CELF2: variants seen among roughly 807,000 people sequenced by gnomAD.
CELF2 encodes CUG triplet repeat RNA-binding protein 2.
A neutral mutation model predicts 62.6 loss-of-function variants in CELF2; 8 were observed. The observed-to-expected ratio is 0.13, with a 90% CI of 0.07 to 0.23. The LOEUF is 0.23. CELF2 is among the 10% of genes least tolerant of loss of function. CELF2 has a pLI of 1.00. For missense variants in CELF2, 333 were observed against 671.0 expected (o/e 0.50, Z 5.56); for synonymous variants, 258 against 250.0 (o/e 1.03, Z -0.30).
chr10:11,134,697 G>A (rs968546549), intron 1 of CELF2, among the ~76,000 whole-genome samples: 1 of 152,144 alleles, frequency 6.6e-6, no homozygotes. Context: ...ATGAACACAC[G>A]CTTGTTTGTA....
chr10:11,130,409 C>A (rs1194893461), intron 1 of CELF2, among the ~76,000 whole-genome samples: 1 of 152,186 alleles, frequency 6.6e-6, no homozygotes, highest in Non-Finnish European at 1.5e-5. Context: ...ACATGTTGCC[C>A]CTCCTTGCAC....
chr10:10,529,023 T>G, the CELF2 span, among the ~76,000 whole-genome samples: 18 of 152,326 alleles, frequency 1.2e-4, no homozygotes, highest in Middle Eastern at 0.017. Context: ...CTTATCAGCC[T>G]GAGCAGGATA....
At chr10:10,719,836 A>T in the CELF2 span, among the ~76,000 whole-genome samples, 1 of 152,252 alleles carries the variant, frequency 6.6e-6, no homozygotes, top group Admixed American at 6.5e-5. Context: ...GTAAGCACTC[A>T]GCAAATGTTA....
chr10:10,574,696 G>GT, the CELF2 span, among the ~76,000 whole-genome samples: 5 of 151,668 alleles, frequency 3.3e-5, no homozygotes, highest in South Asian at 2.1e-4. Context: ...GTATGTTAAT[G>GT]TTTTTTTGTT....
Position 11,237,471 on chromosome 10 carries a change from C to G in CELF2, c.355-11682C>G, listed in dbSNP as rs1041466018. Among the ~76,000 whole-genome samples the G allele has an allele frequency of 6.6e-6, 1 of 152,096 alleles. No homozygotes were observed. The highest frequency in any genetic ancestry group is 2.4e-5 in the African/African-American group (1 of 41,390). On this transcript the variant is annotated intron_variant, in intron 3 of 12. Transcript: ENST00000633077. The surrounding 1 kb of genome is among the most constrained non-coding windows in gnomAD (Gnocchi z 4.0). ...CATCCTGGGAAGCAGTGTAAGAGAT[C>G]AGGGTGGACAGAGTCGAGCCCTGCA...
the CELF2 span, among the ~76,000 whole-genome samples, chr10:10,617,169 T>C: frequency 1.3e-5 from 2 of 152,274 alleles, no homozygotes; most frequent in Middle Eastern, 3.4e-3. Flanking sequence ...ATGAGAGTTG[T>C]AACAGAATGG....
chr10:10,795,292 A>G (rs1358091336), upstream of CELF2, among the ~76,000 whole-genome samples: 2 of 151,734 alleles, frequency 1.3e-5, no homozygotes, highest in African/African-American at 4.8e-5. Flanking sequence ...ACTCTTTAAG[A>G]ATCATTATGA....
chr10:11,088,699 T>A (rs1291810), intron 1 of CELF2, among the ~76,000 whole-genome samples: 69,429 of 152,074 alleles, frequency 0.46, 18,165 homozygotes, highest in African/African-American at 0.71. Context: ...CATCATCCCA[T>A]ACTTAGTTGC....
chr10:11,249,295 T>C, intron 4 of CELF2, 94 bp downstream of exon 4: 1 of 1,008,838 alleles, frequency 9.9e-7, no homozygotes, highest in Non-Finnish European at 1.6e-6. Context: ...CCAGCTGCTT[T>C]TCTCTCTAGA....
At chr10:11,294,755 A>G (rs2092954641) in intron 9 of CELF2, among the ~76,000 whole-genome samples, 1 of 151,906 alleles carries the variant, frequency 6.6e-6, no homozygotes. Context: ...GACTAAAACT[A>G]CAGAAATTAG....
chr10:10,515,837 A>T, the CELF2 span, among the ~76,000 whole-genome samples: 1 of 152,224 alleles, frequency 6.6e-6, no homozygotes, highest in African/African-American at 2.4e-5. Context: ...TAAGATGCAC[A>T]TTATTTTTCG....
At chr10:10,877,902 ATC>A (rs1277611652) in intron 1 of CELF2, among the ~76,000 whole-genome samples, 1 of 152,180 alleles carries the variant, frequency 6.6e-6, no homozygotes, top group African/African-American at 2.4e-5. Flanking sequence ...GAGAGCATAC[ATC>A]TCTTTTATTC....
intron 1 of CELF2, among the ~76,000 whole-genome samples, chr10:11,116,469 C>T (rs1335463438): frequency 6.6e-6 from 1 of 152,190 alleles, no homozygotes; most frequent in East Asian, 1.9e-4. Context: ...CATGTGTTCA[C>T]TAACATACAT....
At chr10:10,508,655 A>G in the CELF2 span, among the ~76,000 whole-genome samples, 1 of 140,154 alleles carries the variant, frequency 7.1e-6, no homozygotes, top group East Asian at 2.1e-4. Context: ...AGATTTCTTA[A>G]ACAGATGTGT....
In CELF2 at chr10:11,231,706, T is replaced by TC. The variant is rs1416808401; in HGVS notation, c.354+14202dup. On this transcript the variant is annotated intron_variant, in intron 3 of 12. Coordinates refer to ENST00000633077, the MANE Select transcript of CELF2 (RefSeq NM_001326342.2). ...GGTTGCTTTCTTTTTTTTTTTTTTT[T>TC]CCCAAAAAGGCAAGAAACGTTTAGT... 6.1e-5 allele frequency among the ~76,000 whole-genome samples: 9 copies of TC among 146,946 alleles called. No individual in the cohort carries two copies. In the East Asian group the frequency reaches 7.9e-4, roughly 13 times the overall value.
intron 1 of CELF2, among the ~76,000 whole-genome samples, chr10:10,874,568 A>T (rs2060967248): frequency 6.6e-6 from 1 of 152,188 alleles, no homozygotes; most frequent in Non-Finnish European, 1.5e-5. Context: ...GAGAGAAGAA[A>T]AGCATTGTTC....
chr10:10,591,785 C>T, the CELF2 span, among the ~76,000 whole-genome samples: 1 of 152,194 alleles, frequency 6.6e-6, no homozygotes, highest in Non-Finnish European at 1.5e-5. Flanking sequence ...GGCTTTGTCA[C>T]CAGTAGCTCT....
intron 1 of CELF2, among the ~76,000 whole-genome samples, chr10:10,870,223 A>G (rs1481458918): frequency 6.6e-6 from 1 of 152,188 alleles, no homozygotes; most frequent in East Asian, 1.9e-4. Context: ...TTTAATAAAT[A>G]TACTTTAAAA....
At chr10:10,556,192 C>G in the CELF2 span, among the ~76,000 whole-genome samples, 1 of 152,110 alleles carries the variant, frequency 6.6e-6, no homozygotes, top group East Asian at 1.9e-4. Context: ...CTCCCCCCAC[C>G]ACATCACAGT....
Sources: gnomAD v4.1 joint callset for allele counts (sites outside exome capture counted in the v4.1 genomes callset) on GRCh38, gnomAD v4.1.1 for gene constraint, Gnocchi (gnomAD v3.1) non-coding constraint, MANE v1.5 for transcripts, NCBI Gene and HGNC (gene_info 2026-07-23, HGNC 2026-07-21) for gene names.